Variants in ZBTB37 observed in about 807,000 individuals in gnomAD.
ZBTB37 encodes zinc finger and BTB domain-containing protein 37.
ZBTB37 carries 15 observed loss-of-function variants against 37.7 expected under a neutral mutation model. The ratio of observed to expected loss-of-function variants is 0.40; its 90% CI spans 0.27 to 0.61. The LOEUF (loss-of-function observed/expected upper bound fraction) is 0.61. Ranked by LOEUF, ZBTB37 falls within the 20% of genes least tolerant of loss-of-function variation. The pLI, the probability that ZBTB37 is intolerant of heterozygous loss-of-function variation, is 0.44. For synonymous variants in ZBTB37, 231 were observed against 220.6 expected (o/e 1.05, Z -0.42); for missense variants, 514 against 641.9 (o/e 0.80, Z 2.15).
At chr1:173,885,544 C>A in intron 4 of ZBTB37, 92 bp from the exon 5 acceptor site, 1 of 1,089,190 alleles carries the variant, frequency 9.2e-7, no homozygotes, top group Non-Finnish European at 1.3e-6. Context: ...GTACATATAT[C>A]TTAGTAACAA....
chr1:173,868,160 C>G (rs1655110408), upstream of ZBTB37: 1 of 158,964 alleles, frequency 6.3e-6, no homozygotes, highest in Non-Finnish European at 1.4e-5. Flanking sequence ...CGCCCTTCCT[C>G]GCCATTGTGG....
exon 4 of ZBTB37, chr1:173,873,477 T>C (rs753401692): frequency 6.2e-7 from 1 of 1,610,660 alleles, no homozygotes; most frequent in Non-Finnish European, 8.5e-7. Flanking sequence ...ATTTAGCCCC[T>C]CCGGCAGTGT....
chr1:173,885,500 G>T (rs2102749901), intron 4 of ZBTB37, 136 bp from the exon 5 acceptor site: 3 of 725,186 alleles, frequency 4.1e-6, no homozygotes, highest in African/African-American at 3.6e-5. Flanking sequence ...TTACTTTTTG[G>T]TAATAATTTT....
chr1:173,896,801 G>A (rs1657063632), exon 4 of ZBTB37: 2 of 152,096 alleles, frequency 1.3e-5, no homozygotes, highest in African/African-American at 4.8e-5. Context: ...AACTATAGTG[G>A]TTCTTTAAGA....
At chr1:173,887,527 T>A (rs1432734609), downstream of ZBTB37, 1 of 152,214 alleles carries the variant, frequency 6.6e-6, no homozygotes, top group African/African-American at 2.4e-5. Context: ...ATTCTGGGTA[T>A]TTCTAAGATT....
At chr1:173,880,535 A>G (rs528898047) in intron 4 of ZBTB37, among the ~76,000 whole-genome samples, 5 of 152,314 alleles carry the variant, frequency 3.3e-5, no homozygotes, top group Admixed American at 6.5e-5. Flanking sequence ...AGAAATAGCT[A>G]TTGAACCAAG....
In ZBTB37 at chr1:173,879,382, C is replaced by T. The variant is rs189597854; in HGVS notation, c.1023+5816C>T. On this transcript the variant is annotated intron_variant, in intron 4 of 4. Coordinates refer to ENST00000427304, the Ensembl canonical transcript of ZBTB37. ...GCCCTAAAAATTAAATATGTATATG[C>T]GTGGGTGTGTAGGTTTTCTTTTGGG... Among the ~76,000 whole-genome samples, 206 of 152,016 alleles carry T rather than the reference C, an allele frequency of 1.4e-3. 2 individuals carry two copies. Among genetic ancestry groups the T allele is most frequent in the Non-Finnish European group, 2.2e-4 (15 of 67,988 alleles).
At chr1:173,870,650 G>A in exon 3 of ZBTB37, 1 of 1,614,122 alleles carries the variant, frequency 6.2e-7, no homozygotes, top group African/African-American at 1.3e-5. Flanking sequence ...AGTCAAACAA[G>A]GACAAAGCAT....
chr1:173,874,747 A>G (rs983646422), intron 4 of ZBTB37, among the ~76,000 whole-genome samples: 4 of 152,192 alleles, frequency 2.6e-5, no homozygotes, highest in Admixed American at 6.5e-5. Flanking sequence ...CACCACTTCT[A>G]CCCAGCTTTT....
At chr1:173,876,237 A>G (rs1655962821) in intron 4 of ZBTB37, among the ~76,000 whole-genome samples, 1 of 152,162 alleles carries the variant, frequency 6.6e-6, no homozygotes, top group East Asian at 1.9e-4. Context: ...ACACTGTTGA[A>G]TTAAGATTAC....
intron 4 of ZBTB37, among the ~76,000 whole-genome samples, chr1:173,874,740 C>T (rs906376297): frequency 6.6e-6 from 1 of 152,150 alleles, no homozygotes; most frequent in Non-Finnish European, 1.5e-5. Flanking sequence ...CTGCTACCAC[C>T]ACTTCTACCC....
At position 173,875,336 on chromosome 1, in the gene ZBTB37, T is replaced by A. The variant is rs1276599863; in HGVS notation, c.1023+1770T>A. 2.0e-3 allele frequency among the ~76,000 whole-genome samples: 203 copies of A among 103,612 alleles called. No individual in the cohort carries two copies. The East Asian group carries it at 0.027, about 14-fold the overall frequency. 68.0% of individuals were successfully genotyped at this position (103,612 alleles called of 152,430 possible). On this transcript the variant is annotated intron_variant, in intron 4 of 4. Transcript: ENST00000427304. ...TGTGTGCATATATATATATATTTTT[T>A]TTTTTTTTTGAGGCAGTCTTGCTCT...
chr1:173,886,180 A>G (rs1338877741), exon 5 of ZBTB37: 1 of 1,501,916 alleles, frequency 6.7e-7, no homozygotes, highest in African/African-American at 1.4e-5. Context: ...AGCAGCCAGC[A>G]TCAGAGCCAT....
chr1:173,896,938 TTAGA>T (rs1347112994), exon 4 of ZBTB37: 3 of 152,336 alleles, frequency 2.0e-5, no homozygotes, highest in Admixed American at 1.3e-4. Context: ...TGGCTATCTG[TTAGA>T]TAGCAGAAAT....
intron 4 of ZBTB37, among the ~76,000 whole-genome samples, chr1:173,884,997 A>G (rs1276534777): frequency 6.6e-6 from 1 of 151,998 alleles, no homozygotes; most frequent in African/African-American, 2.4e-5. Flanking sequence ...ACTTTGGGAG[A>G]TCGAGGTGGG....
At chr1:173,899,244 A>T (rs1453302144) in exon 4 of ZBTB37, 4 of 152,078 alleles carry the variant, frequency 2.6e-5, no homozygotes, top group African/African-American at 9.7e-5. Flanking sequence ...AAGCCATGCT[A>T]ATATCCTAGA....
At chr1:173,879,188 G>A (rs893153611) in intron 4 of ZBTB37, among the ~76,000 whole-genome samples, 2 of 151,884 alleles carry the variant, frequency 1.3e-5, no homozygotes, top group African/African-American at 4.8e-5. Context: ...TCTACTTTAG[G>A]ATTAAAGATG....
intron 3 of ZBTB37, 69 bp from the exon 4 acceptor site, chr1:173,873,398 A>G: frequency 6.8e-7 from 1 of 1,471,108 alleles, no homozygotes; most frequent in Non-Finnish European, 9.1e-7. Context: ...AAGAGGGGCG[A>G]CATCACCATT....
At chr1:173,893,648 A>G (rs1340450696) in exon 4 of ZBTB37, 1 of 152,272 alleles carries the variant, frequency 6.6e-6, no homozygotes, top group African/African-American at 2.4e-5. Context: ...ACTATGAGGT[A>G]ATAACAGTAA....
Sources: allele counts gnomAD v4.1 joint callset (sites outside exome capture counted in the v4.1 genomes callset), GRCh38; gene constraint gnomAD v4.1.1; transcripts MANE v1.5; gene names NCBI Gene and HGNC (gene_info 2026-07-23, HGNC 2026-07-21).